SPRY2: variants seen among roughly 807,000 people sequenced by gnomAD.
SPRY2 encodes the protein sprouty RTK signaling antagonist 2.
In SPRY2, 10 loss-of-function variants were observed where a neutral mutation model predicts 23.4. That is an observed-to-expected ratio of 0.43 (90% CI 0.26 to 0.73). The LOEUF (loss-of-function observed/expected upper bound fraction) is 0.73. Among genes scored for constraint, SPRY2 ranks in the 30% least tolerant of loss-of-function variants. SPRY2 has a pLI of 0.22. For synonymous variants in SPRY2, 170 were observed against 156.9 expected, an observed-to-expected ratio of 1.08 and a Z score of -0.62; for missense variants, 344 against 396.9, an observed-to-expected ratio of 0.87 and a Z score of 1.13.
In SPRY2 at chr13:80,341,113, C is replaced by A. The variant is rs1880502063; in HGVS notation, c.-543G>T. ...CGCTAGCGCTGCGGCGCGCAGCTCT[C>A]GGCGGTGCAGACTGGGCGTTGTGGA... is the stretch of plus-strand genomic sequence containing the variant. On this transcript the variant is annotated 5_prime_UTR_variant, in exon 1 of 2. Coordinates refer to ENST00000377104, the MANE Select transcript of SPRY2 (RefSeq NM_005842.4). Among the ~76,000 whole-genome samples the A allele has an allele frequency of 6.6e-6, 1 of 150,424 alleles. No individual in the cohort carries two copies. Among genetic ancestry groups the A allele is most frequent in the Non-Finnish European group, 1.5e-5 (1 of 67,424 alleles).
In SPRY2 at chr13:80,337,842, T is replaced by C. The variant is rs374753595; in HGVS notation, c.-51-86A>G. ...CCTGAATTGACTCCTCACTTCCCAC[T>C]TTCCCTAGAGAAACAGGATTTGAAA... On this transcript the variant is annotated intron_variant, in intron 1 of 1. Coordinates refer to ENST00000377104, the MANE Select transcript of SPRY2 (RefSeq NM_005842.4). 1.9e-5 allele frequency: 15 copies of C among 784,136 alleles called. No individual in the cohort carries two copies. The East Asian group carries it at 2.9e-4, about 15-fold the overall frequency. The allele number at this position is 784,136 out of a possible 1,614,324, so 48.6% of individuals were successfully genotyped here. A position where few individuals can be genotyped will look rare whatever the true frequency, so the allele number is the denominator to read the frequency against.
chr13:80,336,660 TA>T lies in SPRY2; in HGVS notation c.*97del. 1 of 1,257,386 alleles carries T rather than the reference TA, an allele frequency of 8.0e-7. No homozygotes were observed. The highest frequency in any genetic ancestry group is 1.3e-5 in the South Asian group (1 of 77,034). The allele number at this position is 1,257,386 out of a possible 1,614,324, so 77.9% of individuals were successfully genotyped here. Reference sequence around the variant, plus strand: ...AGCAAAGACTATCCCACCTTTCTATTAACAGTGCCAAGATTATAACTGTTTA... The same window carrying T: ...AGCAAAGACTATCCCACCTTTCTATTACAGTGCCAAGATTATAACTGTTTA... On this transcript the variant is annotated 3_prime_UTR_variant, in exon 2 of 2. Coordinates refer to ENST00000377104, the MANE Select transcript of SPRY2 (RefSeq NM_005842.4).
In SPRY2 at chr13:80,336,761, T is replaced by C; in HGVS notation, c.945A>G (p.Thr315=). 1.2e-6 allele frequency: 2 copies of C among 1,613,798 alleles called. No individual in the cohort carries two copies. Among genetic ancestry groups the C allele is most frequent in the Non-Finnish European group, 8.5e-7 (1 of 1,179,830 alleles). ...GTAATATTCCTGATTAATGATGCTA[T>C]GTTGGTTTTTCAAAGTTCCTAGGGG... The part of the protein sequence containing the change: ...TVPPRNFEKP[T] The change falls in exon 2 of 2, where the codon ACA becomes ACG. Residue 315 remains threonine (T), a synonymous_variant. Coordinates refer to ENST00000377104, the MANE Select transcript of SPRY2 (RefSeq NM_005842.4).
chr13:80,338,433 G>C (rs538197619), intron 1 of SPRY2, among the ~76,000 whole-genome samples: 3 of 152,094 alleles, frequency 2.0e-5, no homozygotes, highest in African/African-American at 7.2e-5. Flanking sequence ...AACTTAACAA[G>C]AAGAAGACAT....
At position 80,337,697 on chromosome 13, in the gene SPRY2, G is replaced by A. The variant is rs1290431461; in HGVS notation, c.9C>T (p.Ala3=). ...GCGACCCGTTGCCACTCTGAGCTCTGGCCTCCATCAGGTCTTGGAAGTGTG... is the reference window on the plus strand; with the variant it reads ...GCGACCCGTTGCCACTCTGAGCTCTAGCCTCCATCAGGTCTTGGAAGTGTG... ME[A]RAQSGNGSQP... Residue 3 remains alanine, a synonymous_variant, in exon 2 of 2, where the codon GCC becomes GCT. Coordinates refer to ENST00000377104, the MANE Select transcript of SPRY2 (RefSeq NM_005842.4). The A allele has an allele frequency of 5.0e-6, 8 of 1,610,260 alleles. No individual in the cohort carries two copies. The highest frequency in any genetic ancestry group is 6.8e-6 in the Non-Finnish European group (8 of 1,180,016).
rs774762711 is a variant in SPRY2, at chr13:80,337,406, A to G, written c.300T>C (p.His100=). The G allele has an allele frequency of 6.2e-7, 1 of 1,614,130 alleles. No homozygotes were observed. The highest frequency in any genetic ancestry group is 8.5e-7 in the Non-Finnish European group (1 of 1,180,028). The change falls in exon 2 of 2, where the codon CAT becomes CAC. Residue 100 remains histidine (H), a synonymous_variant. Coordinates refer to ENST00000377104, the MANE Select transcript of SPRY2 (RefSeq NM_005842.4). The stretch of plus-strand genomic sequence containing the variant: ...TGGACAGAGGGGCTCGTGCAGAAGA[A>G]TGGACCTGCGAGTGCTGGAGCCTAG... ...QPPRLQHSQV[H]SSARAPLSRS...
rs1207129326 is a variant in SPRY2, at chr13:80,337,753, ACTC to A, written c.-51_-49del. On this transcript the variant is annotated splice_region_variant and 5_prime_UTR_variant, in exon 2 of 2. Coordinates refer to ENST00000377104, the MANE Select transcript of SPRY2 (RefSeq NM_005842.4). ...TCCAGCAGGCTTAGAACACATCTGA[ACTC>A]CTGAGGAAGCCAAGAGGAAAGAACG... 5 of 1,558,414 alleles carry A rather than the reference ACTC, an allele frequency of 3.2e-6. No individual in the cohort carries two copies. The African/African-American group carries it at 6.8e-5, about 21-fold the overall frequency.
At position 80,337,718 on chromosome 13, in the gene SPRY2, G is replaced by T; in HGVS notation, c.-13C>A. Reference sequence around the variant, plus strand: ...CTCTGGCCTCCATCAGGTCTTGGAAGTGTGGTCACTCCAGCAGGCTTAGAA... The same window carrying T: ...CTCTGGCCTCCATCAGGTCTTGGAATTGTGGTCACTCCAGCAGGCTTAGAA... On this transcript the variant is annotated 5_prime_UTR_variant, in exon 2 of 2. Coordinates refer to ENST00000377104, the MANE Select transcript of SPRY2 (RefSeq NM_005842.4). The T allele has an allele frequency of 6.2e-7, 1 of 1,606,482 alleles. No homozygotes were observed. Among genetic ancestry groups the T allele is most frequent in the Non-Finnish European group, 8.5e-7 (1 of 1,179,094 alleles).
intron 1 of SPRY2, among the ~76,000 whole-genome samples, chr13:80,340,314 G>C (rs747735860): frequency 1.8e-4 from 28 of 152,232 alleles, no homozygotes; most frequent in Non-Finnish European, 3.4e-4. Context: ...GCCAGTGCAC[G>C]GCTGGGAGCA....
rs760757021 is a variant in SPRY2, at chr13:80,336,681, T to C, written c.*77A>G. 2 of 1,361,334 alleles carry C rather than the reference T, an allele frequency of 1.5e-6. No individual in the cohort carries two copies. The highest frequency in any genetic ancestry group is 1.4e-5 in the African/African-American group (1 of 69,174). The allele number at this position is 1,361,334 out of a possible 1,614,324, so 84.3% of individuals were successfully genotyped here. A position where few individuals can be genotyped will look rare whatever the true frequency, so the allele number is the denominator to read the frequency against. ...CTATTAACAGTGCCAAGATTATAAC[T>C]GTTTAGTTGGTTGCATATGTGTATT... On this transcript the variant is annotated 3_prime_UTR_variant, in exon 2 of 2. Transcript: ENST00000377104.
Position 80,336,839 on chromosome 13 carries a change from A to T in SPRY2, c.867T>A (p.Pro289=), listed in dbSNP as rs368004995. 3.7e-6 allele frequency: 6 copies of T among 1,614,094 alleles called. No individual in the cohort carries two copies. The highest frequency in any genetic ancestry group is 2.7e-5 in the African/African-American group (2 of 74,940). ...TGTTTGAGTTTTTACAGCGGCAACC[A>T]GGCCTGTTAACCCGGTCATAACACC... ...CQGCYDRVNR[P]GCRCKNSNTV... is the part of the protein sequence containing the mutation. The change falls in exon 2 of 2, where the codon CCT becomes CCA. Residue 289 remains proline (P), a synonymous_variant. Coordinates refer to ENST00000377104, the MANE Select transcript of SPRY2 (RefSeq NM_005842.4).
chr13:80,336,667 G>T lies in SPRY2; in HGVS notation c.*91C>A. On this transcript the variant is annotated 3_prime_UTR_variant, in exon 2 of 2. Transcript: ENST00000377104. ...ACTATCCCACCTTTCTATTAACAGT[G>T]CCAAGATTATAACTGTTTAGTTGGT... The T allele has an allele frequency of 1.5e-6, 2 of 1,295,430 alleles. No individual in the cohort carries two copies. The highest frequency in any genetic ancestry group is 2.2e-6 in the Non-Finnish European group (2 of 918,646). The allele number at this position is 1,295,430 out of a possible 1,614,324, so 80.2% of individuals were successfully genotyped here.
At chr13:80,339,864 G>T (rs1024670151) in intron 1 of SPRY2, among the ~76,000 whole-genome samples, 3 of 152,222 alleles carry the variant, frequency 2.0e-5, no homozygotes, top group Non-Finnish European at 4.4e-5. Flanking sequence ...CTACTTTCAG[G>T]TAATGGAAAA....
intron 1 of SPRY2, among the ~76,000 whole-genome samples, chr13:80,338,324 AC>A (rs1234552052): frequency 6.6e-6 from 1 of 152,238 alleles, no homozygotes; most frequent in Non-Finnish European, 1.5e-5. Context: ...CCCAAATTCT[AC>A]AACAATCATG....
Position 80,337,198 on chromosome 13 carries a change from C to T in SPRY2, c.508G>A (p.Asp170Asn), listed in dbSNP as rs1880300351. ...PGELKPLSKE[D>N]LGLHAYRCED... ...CACCTGTAGGCGTGCAGGCCCAAAT[C>T]TTCCTTGCTCAGTGGCTTAAGCTCA... Residue 170 changes from aspartate (D) to asparagine (N), a missense_variant, in exon 2 of 2, where the codon GAT (aspartate) becomes AAT (asparagine). By Grantham distance (23) the Asp-to-Asn change is conservative (BLOSUM62 1). Coordinates refer to ENST00000377104, the MANE Select transcript of SPRY2 (RefSeq NM_005842.4). The T allele has an allele frequency of 2.5e-6, 4 of 1,611,818 alleles. No homozygotes were observed. The highest frequency in any genetic ancestry group is 3.4e-6 in the Non-Finnish European group (4 of 1,178,028).
At chr13:80,340,111 A>G (rs1880454482) in intron 1 of SPRY2, among the ~76,000 whole-genome samples, 1 of 152,038 alleles carries the variant, frequency 6.6e-6, no homozygotes, top group Admixed American at 6.5e-5. Flanking sequence ...CTCACCCTGG[A>G]AGTCTCCTGC....
In SPRY2 at chr13:80,340,998, C is replaced by A; in HGVS notation, c.-428G>T. 2 of 149,750 alleles carry A rather than the reference C, an allele frequency of 1.3e-5. No homozygotes were observed. Among genetic ancestry groups the A allele is most frequent in the South Asian group, 3.6e-4 (2 of 5,550 alleles). 9.3% of individuals were successfully genotyped at this position (149,750 alleles called of 1,614,324 possible). Reference sequence around the variant, plus strand: ...CCAAGTGGTGCGGCCGGGGCCGCGTCGTAGCGGAGGCGGCGCGGGGGCGCG... The same window carrying A: ...CCAAGTGGTGCGGCCGGGGCCGCGTAGTAGCGGAGGCGGCGCGGGGGCGCG... On this transcript the variant is annotated 5_prime_UTR_variant, in exon 1 of 2. Transcript: ENST00000377104.
chr13:80,340,101 C>T (rs1488427300), intron 1 of SPRY2, among the ~76,000 whole-genome samples: 1 of 152,180 alleles, frequency 6.6e-6, no homozygotes, highest in Non-Finnish European at 1.5e-5. Flanking sequence ...CTGCCTTTTT[C>T]TCACCCTGGA....
chr13:80,336,831 C>A lies in SPRY2; in HGVS notation c.875G>T (p.Arg292Leu). ...CYDRVNRPGC[R>L]CKNSNTVCCK... ...GCAAACTGTGTTTGAGTTTTTACAG[C>A]GGCAACCAGGCCTGTTAACCCGGTC... is the stretch of plus-strand genomic sequence containing the variant. The change falls in exon 2 of 2, where the codon CGC becomes CTC. Residue 292 changes from arginine to leucine, a missense_variant. Transcript: ENST00000377104. 5 of 1,614,100 alleles carry A rather than the reference C, an allele frequency of 3.1e-6. No homozygotes were observed. Among genetic ancestry groups the A allele is most frequent in the Non-Finnish European group, 4.2e-6 (5 of 1,180,030 alleles).
Sources: allele counts gnomAD v4.1 joint callset (sites outside exome capture counted in the v4.1 genomes callset), GRCh38; gene constraint gnomAD v4.1.1; transcripts MANE v1.5; gene names NCBI Gene and HGNC (gene_info 2026-07-23, HGNC 2026-07-21).